Variants in KAZN observed in about 807,000 individuals in gnomAD.
The protein encoded by KAZN is kazrin.
In KAZN, 40 loss-of-function variants were observed where a neutral mutation model predicts 87.4. That is an observed-to-expected ratio of 0.46 (90% CI 0.36 to 0.60). The LOEUF is 0.60. KAZN is among the 20% of genes least tolerant of loss of function. The pLI is 0.00. For synonymous variants in KAZN, 466 were observed against 458.3 expected, an observed-to-expected ratio of 1.02 and a Z score of -0.22; for missense variants, 898 against 1,073.9, an observed-to-expected ratio of 0.84 and a Z score of 2.29.
intron 2 of KAZN, among the ~76,000 whole-genome samples, chr1:14,367,494 G>C (rs1557667335): frequency 6.6e-6 from 1 of 152,110 alleles, no homozygotes; most frequent in Non-Finnish European, 1.5e-5. Flanking sequence ...GGTGGTTTTG[G>C]AAAAGGCAAC....
At chr1:14,663,398 G>A (rs952278566) in intron 1 of KAZN, among the ~76,000 whole-genome samples, 3 of 152,180 alleles carry the variant, frequency 2.0e-5, no homozygotes, top group African/African-American at 7.2e-5. Flanking sequence ...CAGGAGCCAA[G>A]CCCAGACCTA....
At chr1:14,566,000 C>T (rs1674527385) in intron 2 of KAZN, among the ~76,000 whole-genome samples, 2 of 152,164 alleles carry the variant, frequency 1.3e-5, no homozygotes, top group Non-Finnish European at 2.9e-5. Context: ...TTGACCTTCT[C>T]CCATGAATTA....
chr1:14,873,565 T>A (rs768420242), intron 1 of KAZN, among the ~76,000 whole-genome samples: 14 of 151,814 alleles, frequency 9.2e-5, no homozygotes, highest in Non-Finnish European at 1.9e-4. Context: ...GGAGAGGAAA[T>A]GTAAAAGGAG....
chr1:14,045,534 A>G (rs1273334742), intron 1 of KAZN, among the ~76,000 whole-genome samples: 1 of 152,240 alleles, frequency 6.6e-6, no homozygotes, highest in Non-Finnish European at 1.5e-5. Context: ...CATAGTAAAT[A>G]TCTACAATTA....
At position 15,056,783 on chromosome 1, in the gene KAZN, C is replaced by G. The variant is rs1279197003; in HGVS notation, c.916+503C>G. Among the ~76,000 whole-genome samples, 1 of 152,184 alleles carries G rather than the reference C, an allele frequency of 6.6e-6. No individual in the cohort carries two copies. Among genetic ancestry groups the G allele is most frequent in the Admixed American group, 6.5e-5 (1 of 15,282 alleles). On this transcript the variant is annotated intron_variant, in intron 5 of 14. Coordinates refer to ENST00000376030, the MANE Select transcript of KAZN (RefSeq NM_201628.3). This position sits in a 1 kb window ranked among gnomAD's most constrained non-coding sequence, Gnocchi z 5.4. Reference sequence around the variant, plus strand: ...CAGGGCATCCAAGAGGGGCTGATGTCAATGTCACAGGTGTTTGCTCCAGGC... The same window carrying G: ...CAGGGCATCCAAGAGGGGCTGATGTGAATGTCACAGGTGTTTGCTCCAGGC...
At chr1:14,765,561 G>A (rs1480882836) in intron 1 of KAZN, among the ~76,000 whole-genome samples, 1 of 152,202 alleles carries the variant, frequency 6.6e-6, no homozygotes, top group Non-Finnish European at 1.5e-5. Flanking sequence ...TGTATTGGGA[G>A]AAATGCCTGC....
At chr1:13,943,751 G>A (rs1641029680) in intron 1 of KAZN, among the ~76,000 whole-genome samples, 1 of 151,922 alleles carries the variant, frequency 6.6e-6, no homozygotes, top group African/African-American at 2.4e-5. Context: ...AGCCTATATG[G>A]TATATACAAA....
chr1:14,258,139 C>CGTCCCAAAACT (rs71570193), intron 2 of KAZN, among the ~76,000 whole-genome samples: 2 of 149,232 alleles, frequency 1.3e-5, no homozygotes, highest in African/African-American at 2.5e-5. Context: ...AACCCTCCAC[C>CGTCCCAAAACT]GTCCCAAAAC....
At chr1:15,057,628 C>T (rs1372796638) in intron 5 of KAZN, among the ~76,000 whole-genome samples, 2 of 152,170 alleles carry the variant, frequency 1.3e-5, no homozygotes, top group African/African-American at 4.8e-5. Context: ...CAGCTCTGGC[C>T]TTCAAAGCCT....
intron 13 of KAZN, among the ~76,000 whole-genome samples, chr1:15,109,819 TA>T (rs1261977880): frequency 2.8e-5 from 4 of 143,984 alleles, no homozygotes; most frequent in East Asian, 2.8e-4. Context: ...GTTGTATGTG[TA>T]TGTATGTGTA....
chr1:14,880,247 C>T lies in KAZN; in HGVS notation c.227-80437C>T, dbSNP rs1410716700. Among the ~76,000 whole-genome samples, 5 of 152,262 alleles carry T rather than the reference C, an allele frequency of 3.3e-5. No homozygotes were observed. The East Asian group carries it at 9.7e-4, about 29-fold the overall frequency. ...TAAATGCTTTAGGTACATTATCCCA[C>T]ACGGTGCCTGCAATAACCCTCTGAG... On this transcript the variant is annotated intron_variant, in intron 1 of 14. Transcript: ENST00000376030.
intron 1 of KAZN, among the ~76,000 whole-genome samples, chr1:13,933,385 G>A (rs558333998): frequency 1.2e-4 from 19 of 152,196 alleles, no homozygotes; most frequent in African/African-American, 3.9e-4. Context: ...CCAGCTACTC[G>A]GGAGGCTGAC....
chr1:14,874,185 G>A (rs372222970), intron 1 of KAZN, among the ~76,000 whole-genome samples: 12 of 152,290 alleles, frequency 7.9e-5, no homozygotes, highest in African/African-American at 2.9e-4. Flanking sequence ...AGACAAGTGA[G>A]TACAGATAGA....
At chr1:15,082,445 G>A (rs1640046785) in intron 8 of KAZN, among the ~76,000 whole-genome samples, 1 of 152,292 alleles carries the variant, frequency 6.6e-6, no homozygotes, top group African/African-American at 2.4e-5. Flanking sequence ...CAGGGCATGG[G>A]TCACTCAGCC....
intron 1 of KAZN, among the ~76,000 whole-genome samples, chr1:13,905,627 C>A (rs1639408740): frequency 6.6e-6 from 1 of 152,142 alleles, no homozygotes; most frequent in Non-Finnish European, 1.5e-5. Context: ...AGTTCTAATT[C>A]CTCTATCCCA....
chr1:14,157,803 G>A (rs1030535333), intron 1 of KAZN, among the ~76,000 whole-genome samples: 1 of 152,110 alleles, frequency 6.6e-6, no homozygotes, highest in South Asian at 2.1e-4. Context: ...CTGCATGCTG[G>A]GGGGGCCTCA....
At chr1:14,870,366 A>G (rs1652004130) in intron 1 of KAZN, among the ~76,000 whole-genome samples, 1 of 152,170 alleles carries the variant, frequency 6.6e-6, no homozygotes, top group African/African-American at 2.4e-5. Flanking sequence ...GTATTGAGAC[A>G]GAGTTTTGCT....
chr1:14,395,911 G>A (rs1662857349), intron 2 of KAZN, among the ~76,000 whole-genome samples: 1 of 152,126 alleles, frequency 6.6e-6, no homozygotes, highest in East Asian at 1.9e-4. Flanking sequence ...GCTCATGCCT[G>A]TAATCCCAGC....
At chr1:14,510,065 C>A (rs1314823023) in intron 2 of KAZN, among the ~76,000 whole-genome samples, 1 of 152,130 alleles carries the variant, frequency 6.6e-6, no homozygotes. Context: ...AGACATAGAT[C>A]TCCGGTGAGT....
Sources: allele counts gnomAD v4.1 joint callset (sites outside exome capture counted in the v4.1 genomes callset), GRCh38; gene constraint gnomAD v4.1.1; non-coding constraint Gnocchi (gnomAD v3.1); transcripts MANE v1.5; gene names NCBI Gene and HGNC (gene_info 2026-07-23, HGNC 2026-07-21).